Variants in C1orf87 observed in about 807,000 individuals in gnomAD.
C1orf87 encodes the protein chromosome 1 open reading frame 87, also known as uncharacterized protein C1orf87.
Under a neutral mutation model 60.5 loss-of-function variants are expected in C1orf87, and 58 were observed. That is an observed-to-expected ratio of 0.96 (90% CI 0.78 to 1.19). C1orf87 has a LOEUF of 1.19. Ranked by LOEUF, C1orf87 falls within the 50% of genes most tolerant of loss-of-function variation. C1orf87 has a pLI of 0.00. For missense variants in C1orf87, 673 were observed against 638.6 expected (o/e 1.05, Z -0.58); for synonymous variants, 236 against 227.4 (o/e 1.04, Z -0.34).
chr1:60,052,685 A>AT (rs1645422810), intron 3 of C1orf87, among the ~76,000 whole-genome samples: 1 of 152,238 alleles, frequency 6.6e-6, no homozygotes, highest in South Asian at 2.1e-4. Context: ...TTTGGAGCAA[A>AT]TTCAGCTGGT....
intron 2 of C1orf87, among the ~76,000 whole-genome samples, chr1:60,057,012 G>T (rs1270826898): frequency 1.3e-5 from 2 of 152,098 alleles, no homozygotes; most frequent in African/African-American, 2.4e-5. Context: ...CATCCTTTTG[G>T]TGGTGGTAGC....
chr1:59,994,095 A>T (rs947984582), intron 11 of C1orf87, among the ~76,000 whole-genome samples: 4 of 152,198 alleles, frequency 2.6e-5, no homozygotes, highest in Non-Finnish European at 4.4e-5. Context: ...ATTGTACAGT[A>T]TATAAAGAAC....
intron 8 of C1orf87, among the ~76,000 whole-genome samples, chr1:60,011,830 G>T (rs1319652799): frequency 6.6e-6 from 1 of 151,984 alleles, no homozygotes; most frequent in Non-Finnish European, 1.5e-5. Flanking sequence ...AAATTATTTG[G>T]TCAGGGTAAG....
intron 2 of C1orf87, 127 bp downstream of exon 2, chr1:60,072,410 T>G: frequency 3.1e-6 from 2 of 640,268 alleles, no homozygotes; most frequent in Non-Finnish European, 2.6e-6. Flanking sequence ...TTACCTCTAC[T>G]GTTGCATCTT....
intron 11 of C1orf87, among the ~76,000 whole-genome samples, chr1:59,992,253 TA>T (rs1644929450): frequency 2.0e-5 from 3 of 151,068 alleles, no homozygotes; most frequent in East Asian, 3.9e-4. Flanking sequence ...TTTATTTATT[TA>T]TTTATTTATT....
intron 8 of C1orf87, 149 bp downstream of exon 8, chr1:60,025,252 G>A: frequency 1.8e-6 from 1 of 546,672 alleles, no homozygotes; most frequent in Non-Finnish European, 3.2e-6. Context: ...TTTCATCATG[G>A]GGGTTTCACC....
chr1:60,057,175 T>C (rs1043645805), intron 2 of C1orf87, among the ~76,000 whole-genome samples: 2 of 152,294 alleles, frequency 1.3e-5, no homozygotes, highest in Non-Finnish European at 2.9e-5. Flanking sequence ...AGCAAGAGGA[T>C]GTCTCCAGAG....
In C1orf87 at chr1:60,039,984, A is replaced by T. The variant is rs765730140; in HGVS notation, c.680T>A (p.Val227Asp). 6.2e-7 allele frequency: 1 copy of T among 1,614,124 alleles called. No individual in the cohort carries two copies. Among genetic ancestry groups the T allele is most frequent in the African/African-American group, 1.3e-5 (1 of 75,046 alleles). The change falls in exon 5 of 12, where the codon GTC (valine) becomes GAC (aspartate). Residue 227 changes from valine (V) to aspartate (D), a missense_variant. Coordinates refer to ENST00000371201, the MANE Select transcript of C1orf87 (RefSeq NM_152377.3). ...TTTAACTGTTGGTAACTGTAGAGGG[A>T]CTTCATGCTTCAAAAAGAGGCGGCT... ...QLSRLFLKHE[V>D]PLQLPTVKIL...
intron 3 of C1orf87, among the ~76,000 whole-genome samples, chr1:60,045,772 GA>G: frequency 6.6e-6 from 1 of 152,164 alleles, no homozygotes; most frequent in Non-Finnish European, 1.5e-5. Context: ...CCACTAAATA[GA>G]AATTTGTGGG....
intron 11 of C1orf87, among the ~76,000 whole-genome samples, chr1:59,996,497 T>C (rs946182170): frequency 3.3e-5 from 5 of 152,210 alleles, no homozygotes; most frequent in Non-Finnish European, 5.9e-5. Flanking sequence ...TTGAATTGAC[T>C]CCAAATTCCT....
intron 2 of C1orf87, among the ~76,000 whole-genome samples, chr1:60,067,990 C>T (rs1272543287): frequency 6.6e-6 from 1 of 152,130 alleles, no homozygotes; most frequent in Non-Finnish European, 1.5e-5. Context: ...ATCTTTTCCT[C>T]ATTGCTTGTT....
intron 9 of C1orf87, among the ~76,000 whole-genome samples, chr1:60,009,694 T>C (rs1645069528): frequency 6.6e-6 from 1 of 151,922 alleles, no homozygotes; most frequent in South Asian, 2.1e-4. Flanking sequence ...GGGCAATCAG[T>C]AAATGGTTGA....
rs1644934203 is a variant in C1orf87 at position 59,992,816 on chromosome 1, C to T, written c.1481-1983G>A. ...ACAGTAGGCCACAATAGGTGGGGTC[C>T]TAATTTATTCTGTTCTATTCCAGTG... On this transcript the variant is annotated intron_variant, in intron 11 of 11. Coordinates refer to ENST00000371201, the MANE Select transcript of C1orf87 (RefSeq NM_152377.3). 2.0e-5 allele frequency among the ~76,000 whole-genome samples: 3 copies of T among 152,282 alleles called. No individual in the cohort carries two copies. In the South Asian group the frequency reaches 6.2e-4, roughly 32 times the overall value.
At chr1:60,051,951 A>T (rs546269992) in intron 3 of C1orf87, among the ~76,000 whole-genome samples, 8 of 152,318 alleles carry the variant, frequency 5.3e-5, no homozygotes, top group Non-Finnish European at 1.2e-4. Flanking sequence ...AGACCACCAG[A>T]AGTACAAGAT....
chr1:60,058,434 G>A (rs564391369), intron 2 of C1orf87, among the ~76,000 whole-genome samples: 2 of 152,206 alleles, frequency 1.3e-5, no homozygotes, highest in African/African-American at 4.8e-5. Flanking sequence ...TACCCAGTTA[G>A]CATATAAATA....
intron 3 of C1orf87, among the ~76,000 whole-genome samples, chr1:60,052,523 T>C (rs1187456605): frequency 1.3e-5 from 2 of 152,184 alleles, no homozygotes; most frequent in African/African-American, 4.8e-5. Context: ...TCACTGTTCT[T>C]ATATACACAA....
intron 5 of C1orf87, 130 bp downstream of exon 5, chr1:60,039,787 C>G (rs1574315317): frequency 9.7e-7 from 1 of 1,029,474 alleles, no homozygotes; most frequent in Non-Finnish European, 1.4e-6. Flanking sequence ...TATAAATAAG[C>G]TTTTTATCTC....
Position 60,027,751 on chromosome 1 carries a change from A to G in C1orf87, c.1030-2253T>C, listed in dbSNP as rs1323944034. 2.6e-5 allele frequency among the ~76,000 whole-genome samples: 4 copies of G among 152,214 alleles called. No individual in the cohort carries two copies. In the East Asian group the frequency reaches 7.7e-4, roughly 29 times the overall value. Reference sequence around the variant, plus strand: ...AAAAAAGATTGATTTGAAACATGAAAAAACGAAGAGTTTGCTAGAAGAATA... The same window carrying G: ...AAAAAAGATTGATTTGAAACATGAAGAAACGAAGAGTTTGCTAGAAGAATA... On this transcript the variant is annotated intron_variant, in intron 7 of 11. Coordinates refer to ENST00000371201, the MANE Select transcript of C1orf87 (RefSeq NM_152377.3).
chr1:60,070,470 T>C (rs1645576852), intron 2 of C1orf87, among the ~76,000 whole-genome samples: 1 of 152,212 alleles, frequency 6.6e-6, no homozygotes, highest in Admixed American at 6.5e-5. Context: ...TAAACACTTT[T>C]GGGAAGACAG....
Sources: gnomAD v4.1 joint callset for allele counts (sites outside exome capture counted in the v4.1 genomes callset) on GRCh38, gnomAD v4.1.1 for gene constraint, MANE v1.5 for transcripts, NCBI Gene and HGNC (gene_info 2026-07-23, HGNC 2026-07-21) for gene names.